PCDHGB3: variants seen among roughly 807,000 people sequenced by gnomAD.
PCDHGB3 encodes protocadherin gamma subfamily B, 3, also known as protocadherin gamma-B3.
PCDHGB3 carries 40 observed loss-of-function variants against 59.2 expected under a neutral mutation model. The ratio of observed to expected loss-of-function variants is 0.68; its 90% CI spans 0.52 to 0.88. The LOEUF is 0.88. Ranked by LOEUF, PCDHGB3 falls within the 40% of genes least tolerant of loss-of-function variation. PCDHGB3 has a pLI of 0.00. For missense variants in PCDHGB3, 1,309 were observed against 1,187.9 expected (o/e 1.10, Z -1.50); for synonymous variants, 581 against 503.6 (o/e 1.15, Z -2.06).
chr5:141,478,799 CTT>C, intron 1 of PCDHGB3: 1 of 1,463,738 alleles, frequency 6.8e-7, no homozygotes, highest in Non-Finnish European at 9.0e-7. Flanking sequence ...CCTCAGCACT[CTT>C]TTGCTATCAC....
intron 1 of PCDHGB3, chr5:141,393,962 CTG>C: frequency 6.2e-7 from 1 of 1,613,894 alleles, no homozygotes; most frequent in Non-Finnish European, 8.5e-7. Context: ...GTCAAGTTGT[CTG>C]TTACACACGT....
chr5:141,495,384 C>A (rs2099760896), intron 2 of PCDHGB3, among the ~76,000 whole-genome samples: 1 of 152,190 alleles, frequency 6.6e-6, no homozygotes, highest in African/African-American at 2.4e-5. Flanking sequence ...AAGGACTGGG[C>A]GGGGCATGGA....
intron 2 of PCDHGB3, among the ~76,000 whole-genome samples, chr5:141,501,061 G>T (rs746369272): frequency 1.5e-4 from 23 of 152,118 alleles, no homozygotes; most frequent in Non-Finnish European, 2.1e-4. Flanking sequence ...TAGAGACGGG[G>T]TTTCACCATG....
Position 141,392,858 on chromosome 5 carries a change from G to A in PCDHGB3, c.2415+20049G>A, listed in dbSNP as rs764346882. The A allele has an allele frequency of 1.9e-5, 31 of 1,612,486 alleles. No homozygotes were observed. The East Asian group carries it at 6.2e-4, about 32-fold the overall frequency. ...GCCCCAGACGCGGCGAGCTGATCCT[G>A]CTGTGCGCGCTGCTGGGAACGCTGT... On this transcript the variant is annotated intron_variant, in intron 1 of 3. Transcript: ENST00000576222.
chr5:141,494,751 G>C (rs2099756509), intron 1 of PCDHGB3, 56 bp from the exon 2 acceptor site: 2 of 1,613,426 alleles, frequency 1.2e-6, no homozygotes, highest in African/African-American at 1.3e-5. Flanking sequence ...AGGGGCTCGG[G>C]TGACATTCTA....
At chr5:141,389,577 C>A in intron 1 of PCDHGB3, 1 of 1,613,244 alleles carries the variant, frequency 6.2e-7, no homozygotes. Context: ...GTACCCCGCG[C>A]TGGGTCCCGA....
At chr5:141,399,944 A>G (rs769384438) in intron 1 of PCDHGB3, 2 of 1,612,254 alleles carry the variant, frequency 1.2e-6, no homozygotes, top group South Asian at 2.2e-5. Context: ...CACGTGCTGC[A>G]GGCTAGCGAG....
chr5:141,497,111 G>A (rs899232924), intron 2 of PCDHGB3, among the ~76,000 whole-genome samples: 16 of 152,010 alleles, frequency 1.1e-4, no homozygotes, highest in Non-Finnish European at 1.2e-4. Context: ...GCTTGAACCC[G>A]GAAGGCAGAG....
At position 141,485,541 on chromosome 5, in the gene PCDHGB3, T is replaced by A; in HGVS notation, c.2416-9266T>A. 2 of 1,613,902 alleles carry A rather than the reference T, an allele frequency of 1.2e-6. No homozygotes were observed. Among genetic ancestry groups the A allele is most frequent in the Non-Finnish European group, 1.7e-6 (2 of 1,179,958 alleles). ...GAAATGTACCGAGCAGAGGTAGAGATCGTAGATGTGAATGATCACGCCCCC... is the reference window on the plus strand; with the variant it reads ...GAAATGTACCGAGCAGAGGTAGAGAACGTAGATGTGAATGATCACGCCCCC... On this transcript the variant is annotated intron_variant, in intron 1 of 3. Coordinates refer to ENST00000576222, the MANE Select transcript of PCDHGB3 (RefSeq NM_018924.5). The surrounding 1 kb of genome is among the most constrained non-coding windows in gnomAD (Gnocchi z 5.7).
chr5:141,383,324 T>C (rs750393068), intron 1 of PCDHGB3: 2 of 1,613,904 alleles, frequency 1.2e-6, no homozygotes, highest in African/African-American at 1.3e-5. Flanking sequence ...AATGTAAAAA[T>C]AATGGAGAAT....
intron 1 of PCDHGB3, chr5:141,393,474 C>G (rs773609499): frequency 3.1e-6 from 5 of 1,614,044 alleles, no homozygotes; most frequent in Non-Finnish European, 4.2e-6. Flanking sequence ...CGGCAAGCCG[C>G]CTCGCTCTAG....
intron 1 of PCDHGB3, chr5:141,400,564 C>T: frequency 6.2e-7 from 1 of 1,612,936 alleles, no homozygotes; most frequent in South Asian, 1.1e-5. Context: ...ATTACCCACC[C>T]AATTTTCTGT....
intron 1 of PCDHGB3, chr5:141,409,876 C>A: frequency 6.2e-7 from 1 of 1,612,874 alleles, no homozygotes. Flanking sequence ...GCAATGACAA[C>A]GCACCGCGGG....
At chr5:141,497,354 A>G (rs1430368474) in intron 2 of PCDHGB3, among the ~76,000 whole-genome samples, 1 of 152,054 alleles carries the variant, frequency 6.6e-6, no homozygotes, top group Non-Finnish European at 1.5e-5. Flanking sequence ...AGCCCCACCA[A>G]CTGCCTCTCA....
intron 1 of PCDHGB3, among the ~76,000 whole-genome samples, chr5:141,439,043 G>T (rs1688170264): frequency 6.6e-6 from 1 of 151,346 alleles, no homozygotes; most frequent in Non-Finnish European, 1.5e-5. Flanking sequence ...CAGTTCATAA[G>T]ATTTCCATAT....
chr5:141,435,795 G>A (rs150143106), intron 1 of PCDHGB3, among the ~76,000 whole-genome samples: 16 of 152,032 alleles, frequency 1.1e-4, no homozygotes, highest in Admixed American at 2.0e-4. Flanking sequence ...GAAACATAAC[G>A]TCCCAATTAT....
At chr5:141,436,991 T>G (rs1016670604) in intron 1 of PCDHGB3, among the ~76,000 whole-genome samples, 2 of 152,238 alleles carry the variant, frequency 1.3e-5, no homozygotes, top group African/African-American at 4.8e-5. Flanking sequence ...AGAAGCAGTT[T>G]ACTTCAATGG....
At chr5:141,509,486 A>G (rs1022659275) in intron 3 of PCDHGB3, among the ~76,000 whole-genome samples, 10 of 152,132 alleles carry the variant, frequency 6.6e-5, no homozygotes, top group African/African-American at 2.4e-4. Flanking sequence ...GGTAGAGGTG[A>G]TGGCATGCTG....
At position 141,512,815 on chromosome 5, in the gene PCDHGB3, A is replaced by AC. The variant is rs1215322144; in HGVS notation, c.*1647dup. ...TGTGCTGTGTCCACGCGCTAAGGCG[A>AC]CCCCCTCCCCCGTACTGACTTCTCC... is the stretch of plus-strand genomic sequence containing the variant. On this transcript the variant is annotated 3_prime_UTR_variant, in exon 4 of 4. Coordinates refer to ENST00000576222, the MANE Select transcript of PCDHGB3 (RefSeq NM_018924.5). The AC allele has an allele frequency of 6.7e-6, 1 of 149,682 alleles. No homozygotes were observed. The highest frequency in any genetic ancestry group is 1.5e-5 in the Non-Finnish European group (1 of 67,474). 9.3% of individuals were successfully genotyped at this position (149,682 alleles called of 1,614,324 possible).
Sources: allele counts gnomAD v4.1 joint callset (sites outside exome capture counted in the v4.1 genomes callset), GRCh38; gene constraint gnomAD v4.1.1; non-coding constraint Gnocchi (gnomAD v3.1); transcripts MANE v1.5; gene names NCBI Gene and HGNC (gene_info 2026-07-23, HGNC 2026-07-21).